FRS2: variants seen among roughly 807,000 people sequenced by gnomAD.
FRS2 encodes the protein FGFR signalling adaptor.
Under a neutral mutation model 43.9 loss-of-function variants are expected in FRS2, and 8 were observed. The observed-to-expected ratio is 0.18, with a 90% CI of 0.11 to 0.33. The LOEUF is 0.33. FRS2 is among the 10% of genes least tolerant of loss of function. The pLI, the probability that FRS2 is intolerant of heterozygous loss-of-function variation, is 1.00. For synonymous variants in FRS2, 219 were observed against 220.3 expected (o/e 0.99, Z 0.05); for missense variants, 534 against 627.6 (o/e 0.85, Z 1.59).
At chr12:69,527,343 A>ATTTT (rs1166365306) in intron 1 of FRS2, among the ~76,000 whole-genome samples, 895 of 84,202 alleles carry the variant, frequency 0.011, 62 homozygotes, top group African/African-American at 0.042. Flanking sequence ...TTTTTTAATG[A>ATTTT]TTTTTTTTTT....
intron 1 of FRS2, among the ~76,000 whole-genome samples, chr12:69,476,289 G>T (rs1870763728): frequency 6.6e-6 from 1 of 152,190 alleles, no homozygotes; most frequent in Non-Finnish European, 1.5e-5. Context: ...ACTGTTTTCA[G>T]TTGAGTTCAC....
chr12:69,512,453 T>A (rs1702328849), intron 1 of FRS2, among the ~76,000 whole-genome samples: 1 of 152,154 alleles, frequency 6.6e-6, no homozygotes, highest in South Asian at 2.1e-4. Flanking sequence ...TTCCTTTTAT[T>A]CCCTTGAGTA....
At chr12:69,515,574 G>GTC (rs756024328) in intron 1 of FRS2, among the ~76,000 whole-genome samples, 2 of 151,774 alleles carry the variant, frequency 1.3e-5, no homozygotes, top group East Asian at 1.9e-4. Context: ...CTCTCTTGCT[G>GTC]TCTCTCTCTC....
At chr12:69,475,547 AG>A (rs1870684905) in intron 1 of FRS2, among the ~76,000 whole-genome samples, 2 of 152,330 alleles carry the variant, frequency 1.3e-5, no homozygotes, top group Admixed American at 6.5e-5. Context: ...TGACTAGATG[AG>A]GGTGGATTGT....
intron 3 of FRS2, among the ~76,000 whole-genome samples, chr12:69,545,422 C>T (rs541988): frequency 0.093 from 14,196 of 152,132 alleles, 873 homozygotes; most frequent in Non-Finnish European, 0.14. Flanking sequence ...ATGGTATTGG[C>T]ATAAATTTAG....
intron 3 of FRS2, among the ~76,000 whole-genome samples, chr12:69,560,550 G>A (rs1879796419): frequency 6.6e-6 from 1 of 152,190 alleles, no homozygotes; most frequent in African/African-American, 2.4e-5. Context: ...CTTCTGATAA[G>A]TTCTTGACCT....
intron 4 of FRS2, among the ~76,000 whole-genome samples, chr12:69,564,749 A>G (rs1289164580): frequency 6.6e-6 from 1 of 152,140 alleles, no homozygotes; most frequent in Non-Finnish European, 1.5e-5. Flanking sequence ...CTAAACTCCT[A>G]CTTAAATTTA....
In FRS2 at chr12:69,508,859, G is replaced by A. The variant is rs184547441; in HGVS notation, c.-260-22006G>A. 2.1e-3 allele frequency among the ~76,000 whole-genome samples: 322 copies of A among 152,188 alleles called. 4 individuals are homozygous for A. Among genetic ancestry groups the A allele is most frequent in the African/African-American group, 7.0e-3 (291 of 41,518 alleles). Reference sequence around the variant, plus strand: ...GATTAGTTATCTTAATCTCTCTACTGCCCACAGGCTTTTATACATACTTCC... The same window carrying A: ...GATTAGTTATCTTAATCTCTCTACTACCCACAGGCTTTTATACATACTTCC... On this transcript the variant is annotated intron_variant, in intron 1 of 8. Coordinates refer to ENST00000549921, the MANE Select transcript of FRS2 (RefSeq NM_001278356.2).
chr12:69,522,413 A>G (rs1422939480), intron 1 of FRS2, among the ~76,000 whole-genome samples: 3 of 151,886 alleles, frequency 2.0e-5, no homozygotes, highest in African/African-American at 7.3e-5. Context: ...GTAGTCTGTG[A>G]TGGTATTTTT....
intron 3 of FRS2, among the ~76,000 whole-genome samples, chr12:69,555,876 A>T (rs531918121): frequency 2.6e-5 from 4 of 152,294 alleles, no homozygotes; most frequent in South Asian, 2.1e-4. Flanking sequence ...TTTCTTTGAG[A>T]ATATATTTAA....
At chr12:69,492,776 A>T (rs553634684) in intron 1 of FRS2, among the ~76,000 whole-genome samples, 1 of 152,186 alleles carries the variant, frequency 6.6e-6, no homozygotes, top group Non-Finnish European at 1.5e-5. Context: ...GTTTAGAGGT[A>T]TCTAGGGCTG....
Position 69,477,772 on chromosome 12 carries a change from G to C in FRS2, c.-261+7242G>C, listed in dbSNP as rs570247422. Among the ~76,000 whole-genome samples the C allele has an allele frequency of 2.7e-5, 4 of 148,244 alleles. No individual in the cohort carries two copies. In the East Asian group the frequency reaches 8.0e-4, roughly 30 times the overall value. On this transcript the variant is annotated intron_variant, in intron 1 of 8. Transcript: ENST00000549921. Reference sequence around the variant, plus strand: ...TATTTATTTTTTGAGACAGAGTCTCGCTCTGTTGCCCAGGCTGGAGTGCAG... The same window carrying C: ...TATTTATTTTTTGAGACAGAGTCTCCCTCTGTTGCCCAGGCTGGAGTGCAG...
intron 1 of FRS2, among the ~76,000 whole-genome samples, chr12:69,479,942 A>G (rs1871208964): frequency 6.6e-6 from 1 of 151,430 alleles, no homozygotes; most frequent in Non-Finnish European, 1.5e-5. Context: ...TTCTTACTCT[A>G]CCTCCGTGTC....
At chr12:69,570,640 G>A (rs879861280) in intron 6 of FRS2, 123 bp downstream of exon 6, 10 of 638,928 alleles carry the variant, frequency 1.6e-5, no homozygotes, top group Admixed American at 1.5e-4. Context: ...AGATTGTTAA[G>A]GAAAGATATA....
At position 69,575,362 on chromosome 12, in the gene FRS2, C is replaced by T. The variant is rs779496551; in HGVS notation, c.*407C>T. 1.1e-4 allele frequency: 18 copies of T among 164,560 alleles called. No individual in the cohort carries two copies. The highest frequency in any genetic ancestry group is 1.8e-4 in the Non-Finnish European group (14 of 75,930). The allele number at this position is 164,560 out of a possible 1,614,324, so 10.2% of individuals were successfully genotyped here. A position where few individuals can be genotyped will look rare whatever the true frequency, so the allele number is the denominator to read the frequency against. On this transcript the variant is annotated 3_prime_UTR_variant, in exon 9 of 9. Transcript: ENST00000549921. ...AACTATAGGCTTTGAAAGTAATGCT[C>T]GTAGATTCAGTGTTCACAGTATGTG... is the stretch of plus-strand genomic sequence containing the variant.
At chr12:69,536,789 G>A (rs1466282805) in intron 3 of FRS2, among the ~76,000 whole-genome samples, 3 of 151,530 alleles carry the variant, frequency 2.0e-5, no homozygotes, top group Admixed American at 6.6e-5. Context: ...AGTTGGTCTT[G>A]AATTCCTGGA....
At chr12:69,501,905 T>C (rs1021769039) in intron 1 of FRS2, among the ~76,000 whole-genome samples, 3 of 152,194 alleles carry the variant, frequency 2.0e-5, no homozygotes, top group Non-Finnish European at 4.4e-5. Context: ...AGCGTAGACA[T>C]CTGTGGAAGC....
At chr12:69,536,192 TCAGCTCA>T (rs1024062080) in intron 3 of FRS2, among the ~76,000 whole-genome samples, 1 of 130,172 alleles carries the variant, frequency 7.7e-6, no homozygotes, top group Non-Finnish European at 1.6e-5. Context: ...TGGCATGATC[TCAGCTCA>T]CTGCAACCTC....
chr12:69,559,899 T>G (rs919624420), intron 3 of FRS2, among the ~76,000 whole-genome samples: 1 of 152,164 alleles, frequency 6.6e-6, no homozygotes, highest in South Asian at 2.1e-4. Context: ...AATTTAGTTA[T>G]GTTGCTATGC....
Sources: allele counts gnomAD v4.1 joint callset (sites outside exome capture counted in the v4.1 genomes callset), GRCh38; gene constraint gnomAD v4.1.1; transcripts MANE v1.5; gene names NCBI Gene and HGNC (gene_info 2026-07-23, HGNC 2026-07-21).